Variants in EPB41L4A observed in about 807,000 individuals in gnomAD.
EPB41L4A encodes the protein erythrocyte membrane protein band 4.1 like 4A.
A neutral mutation model predicts 108.6 loss-of-function variants in EPB41L4A; 100 were observed. The ratio of observed to expected loss-of-function variants is 0.92; its 90% CI spans 0.78 to 1.09. The LOEUF is 1.09. Among genes scored for constraint, EPB41L4A ranks in the 50% least tolerant of loss-of-function variants. EPB41L4A has a pLI of 0.00. For missense variants in EPB41L4A, 1,030 were observed against 842.7 expected, an observed-to-expected ratio of 1.22 and a Z score of -2.75; for synonymous variants, 319 against 289.0, an observed-to-expected ratio of 1.10 and a Z score of -1.05.
intron 1 of EPB41L4A, among the ~76,000 whole-genome samples, chr5:112,345,126 A>C (rs1420419007): frequency 6.6e-6 from 1 of 152,242 alleles, no homozygotes; most frequent in Admixed American, 6.5e-5. Flanking sequence ...GCACAGCCTG[A>C]CCACAGGCTC....
intron 1 of EPB41L4A, among the ~76,000 whole-genome samples, chr5:112,391,678 C>T (rs1174610649): frequency 6.6e-6 from 1 of 152,112 alleles, no homozygotes; most frequent in African/African-American, 2.4e-5. Context: ...TCCAGGAGAA[C>T]TTTCCCAACC....
downstream of EPB41L4A, among the ~76,000 whole-genome samples, chr5:112,160,309 T>C (rs1005696099): frequency 1.3e-5 from 2 of 152,166 alleles, no homozygotes; most frequent in Non-Finnish European, 2.9e-5. Flanking sequence ...TGACCCTCTT[T>C]TGCTGCCCTC....
chr5:112,287,971 A>G (rs747664362), intron 2 of EPB41L4A, among the ~76,000 whole-genome samples: 1 of 152,240 alleles, frequency 6.6e-6, no homozygotes, highest in Non-Finnish European at 1.5e-5. Flanking sequence ...AGGAGCCAGG[A>G]CTTTTTACTG....
At position 112,298,027 on chromosome 5, in the gene EPB41L4A, T is replaced by C. The variant is rs1476465831; in HGVS notation, c.204+9359A>G. Among the ~76,000 whole-genome samples, 3 of 152,206 alleles carry C rather than the reference T, an allele frequency of 2.0e-5. No homozygotes were observed. In the East Asian group the frequency reaches 5.8e-4, roughly 29 times the overall value. ...CAATACCATGCTGTTTTGGTGACTA[T>C]GGCCTTATAGTATAGTTTGAAATCA... is the stretch of plus-strand genomic sequence containing the variant. On this transcript the variant is annotated intron_variant, in intron 2 of 22. Coordinates refer to ENST00000261486, the MANE Select transcript of EPB41L4A (RefSeq NM_022140.5).
At chr5:112,302,068 A>C (rs1754396444) in intron 2 of EPB41L4A, among the ~76,000 whole-genome samples, 2 of 152,198 alleles carry the variant, frequency 1.3e-5, no homozygotes. Context: ...TATGAAATAT[A>C]AATTCATAGG....
intron 1 of EPB41L4A, among the ~76,000 whole-genome samples, chr5:112,388,431 A>T (rs543509549): frequency 7.6e-4 from 116 of 152,280 alleles, no homozygotes; most frequent in African/African-American, 2.7e-3. Flanking sequence ...GGAGGTTTTT[A>T]ACTTTATCCA....
Position 112,225,495 on chromosome 5 carries a change from G to C in EPB41L4A, c.1087+9139C>G, listed in dbSNP as rs550249618. On this transcript the variant is annotated intron_variant, in intron 12 of 22. Coordinates refer to ENST00000261486, the MANE Select transcript of EPB41L4A (RefSeq NM_022140.5). ...ATTGGAAATGTGGATGAGCATTTGT[G>C]AACTTCATGCATTCATGACAGTAAT... is the stretch of plus-strand genomic sequence containing the variant. Among the ~76,000 whole-genome samples, 9 of 152,292 alleles carry C rather than the reference G, an allele frequency of 5.9e-5. 2 individuals are homozygous for C. The South Asian group carries it at 1.9e-3, about 32-fold the overall frequency.
intron 2 of EPB41L4A, among the ~76,000 whole-genome samples, chr5:112,299,068 T>C (rs139442792): frequency 5.1e-4 from 77 of 152,246 alleles, no homozygotes; most frequent in Non-Finnish European, 6.8e-4. Flanking sequence ...TAATGGTCTA[T>C]CAATTTTATT....
chr5:112,234,765 G>C lies in EPB41L4A; in HGVS notation c.966-10C>G, dbSNP rs1009636321. On this transcript the variant is annotated splice_polypyrimidine_tract_variant and intron_variant, in intron 11 of 22. Transcript: ENST00000261486. ...CAAAGCTGTCCTGCCACTTGAGAGT[G>C]CAACATTTTGATTAGCAAAGGTAAA... The C allele has an allele frequency of 3.1e-6, 5 of 1,606,490 alleles. No homozygotes were observed. The Admixed American group carries it at 8.4e-5, about 27-fold the overall frequency.
chr5:112,349,818 G>A (rs1757924634), intron 1 of EPB41L4A, among the ~76,000 whole-genome samples: 2 of 152,150 alleles, frequency 1.3e-5, no homozygotes, highest in African/African-American at 2.4e-5. Flanking sequence ...TGACATTTAC[G>A]GACAGGACAG....
At chr5:112,293,128 A>G (rs1412374828) in intron 2 of EPB41L4A, among the ~76,000 whole-genome samples, 2 of 152,168 alleles carry the variant, frequency 1.3e-5, no homozygotes, top group South Asian at 4.1e-4. Context: ...ACATGTATGT[A>G]TATGTTGACA....
At chr5:112,142,214 G>A (rs894219001), downstream of EPB41L4A, among the ~76,000 whole-genome samples, 1 of 152,086 alleles carries the variant, frequency 6.6e-6, no homozygotes, top group Non-Finnish European at 1.5e-5. Flanking sequence ...CCTCTCCTTC[G>A]AATCCCACGG....
chr5:112,302,556 C>T (rs893851870), intron 2 of EPB41L4A, among the ~76,000 whole-genome samples: 1 of 152,134 alleles, frequency 6.6e-6, no homozygotes, highest in Non-Finnish European at 1.5e-5. Context: ...ATCACTACCA[C>T]CCTATGAAGC....
rs760354049 is a variant in EPB41L4A at position 112,262,510 on chromosome 5, T to C, written c.626A>G (p.Asp209Gly). 6 of 1,613,722 alleles carry C rather than the reference T, an allele frequency of 3.7e-6. No individual in the cohort carries two copies. In the South Asian group the frequency reaches 6.6e-5, roughly 18 times the overall value. The part of the protein sequence containing the change: ...TAKSLEMYGV[D>G]LHPVYGENKS... ...GTTACTCACATAGACGGGATGGAGGTCAACGCCATACATCTCCAGGGATTT... is the reference window on the plus strand; with the variant it reads ...GTTACTCACATAGACGGGATGGAGGCCAACGCCATACATCTCCAGGGATTT... Residue 209 changes from aspartate to glycine, a missense_variant, in exon 7 of 23, where the codon GAC becomes GGC. By Grantham distance (94) the Asp-to-Gly change is moderately conservative (BLOSUM62 -1). Transcript: ENST00000261486.
At chr5:112,231,552 G>A (rs536004963) in intron 12 of EPB41L4A, among the ~76,000 whole-genome samples, 3 of 151,380 alleles carry the variant, frequency 2.0e-5, no homozygotes, top group East Asian at 2.0e-4. Flanking sequence ...TTGGGAGGCC[G>A]AGGCGGGTGG....
chr5:112,265,925 G>A (rs1751820489), intron 5 of EPB41L4A, among the ~76,000 whole-genome samples: 2 of 152,124 alleles, frequency 1.3e-5, no homozygotes, highest in Non-Finnish European at 2.9e-5. Context: ...AGAGGGTGTG[G>A]GGAGGAAAAT....
chr5:112,393,255 G>A (rs1761073206), intron 1 of EPB41L4A, among the ~76,000 whole-genome samples: 1 of 152,104 alleles, frequency 6.6e-6, no homozygotes, highest in African/African-American at 2.4e-5. Flanking sequence ...CAGAACTGAA[G>A]GAGATAGAGA....
chr5:112,360,574 G>A (rs908886913), intron 1 of EPB41L4A, among the ~76,000 whole-genome samples: 1 of 152,312 alleles, frequency 6.6e-6, no homozygotes, highest in African/African-American at 2.4e-5. Context: ...CTCACTCAGT[G>A]CTCAATGTTG....
chr5:112,271,967 G>C (rs946404504), intron 4 of EPB41L4A, among the ~76,000 whole-genome samples: 2 of 152,002 alleles, frequency 1.3e-5, no homozygotes, highest in Non-Finnish European at 2.9e-5. Context: ...CACAAGCGGG[G>C]ACTCCAAGTT....
Sources: allele counts gnomAD v4.1 joint callset (sites outside exome capture counted in the v4.1 genomes callset), GRCh38; gene constraint gnomAD v4.1.1; transcripts MANE v1.5; gene names NCBI Gene and HGNC (gene_info 2026-07-23, HGNC 2026-07-21).